The following DCC variants were observed in gnomAD, a reference collection of about 807,000 sequenced individuals.
DCC encodes the protein DCC netrin 1 receptor.
DCC carries 58 observed loss-of-function variants against 172.5 expected under a neutral mutation model. The ratio of observed to expected loss-of-function variants is 0.34; its 90% CI spans 0.27 to 0.42. The LOEUF (loss-of-function observed/expected upper bound fraction) is 0.42. Ranked by LOEUF, DCC falls within the 10% of genes least tolerant of loss-of-function variation. The probability of loss-of-function intolerance (pLI) is 1.00; values close to 1 mark genes in which losing one functional copy is unlikely to be tolerated. For missense variants in DCC, 1,740 were observed against 1,791.0 expected, an observed-to-expected ratio of 0.97 and a Z score of 0.51; for synonymous variants, 709 against 644.5, an observed-to-expected ratio of 1.10 and a Z score of -1.52.
At chr18:52,682,531 G>C (rs768849802) in intron 1 of DCC, among the ~76,000 whole-genome samples, 2 of 151,962 alleles carry the variant, frequency 1.3e-5, no homozygotes, top group Non-Finnish European at 2.9e-5. Context: ...TGGAGAGGCG[G>C]GCAGGAACTA....
At chr18:53,012,290 A>T (rs2041741898) in intron 5 of DCC, among the ~76,000 whole-genome samples, 1 of 152,150 alleles carries the variant, frequency 6.6e-6, no homozygotes, top group East Asian at 1.9e-4. Context: ...CAACCCTAGT[A>T]TACATCAACA....
At chr18:52,640,023 A>C (rs998473942) in intron 1 of DCC, among the ~76,000 whole-genome samples, 3 of 152,176 alleles carry the variant, frequency 2.0e-5, no homozygotes, top group African/African-American at 7.2e-5. Flanking sequence ...ACCATGATAA[A>C]GTGGGTTTCA....
intron 1 of DCC, among the ~76,000 whole-genome samples, chr18:52,699,322 G>A (rs11876127): frequency 0.44 from 67,152 of 151,816 alleles, 14,964 homozygotes; most frequent in Non-Finnish European, 0.47. Context: ...TCTGGCTAGG[G>A]GTGGTCTCAT....
intron 7 of DCC, among the ~76,000 whole-genome samples, chr18:53,089,521 T>G (rs2042971844): frequency 6.6e-6 from 1 of 152,112 alleles, no homozygotes; most frequent in East Asian, 1.9e-4. Flanking sequence ...ATTTTATAAC[T>G]GCTTTGGAAT....
chr18:53,436,169 C>G (rs1911927847), intron 22 of DCC, among the ~76,000 whole-genome samples: 2 of 152,066 alleles, frequency 1.3e-5, no homozygotes, highest in African/African-American at 4.8e-5. Context: ...TATACGTATC[C>G]CTAAACATTA....
In DCC at chr18:52,664,169, A is replaced by T. The variant is rs548947708; in HGVS notation, c.92-87885A>T. 3.9e-5 allele frequency among the ~76,000 whole-genome samples: 6 copies of T among 152,302 alleles called. No individual in the cohort carries two copies. The East Asian group carries it at 1.2e-3, about 29-fold the overall frequency. On this transcript the variant is annotated intron_variant, in intron 1 of 28. Coordinates refer to ENST00000442544, the MANE Select transcript of DCC (RefSeq NM_005215.4). ...TTGCTGCTAACAAAACTTCTTAAAG[A>T]AAAGAAAGAGAACTTAATCTTAGGC...
At chr18:52,358,029 C>T (rs989269140) in intron 1 of DCC, among the ~76,000 whole-genome samples, 14 of 151,988 alleles carry the variant, frequency 9.2e-5, no homozygotes, top group Non-Finnish European at 1.9e-4. Flanking sequence ...ATAGCATGTA[C>T]CCCCTGATAT....
At chr18:53,446,096 T>TAGAAAAAAA (rs1167100791) in intron 22 of DCC, among the ~76,000 whole-genome samples, 4 of 14,410 alleles carry the variant, frequency 2.8e-4, no homozygotes, top group African/African-American at 9.4e-4. Context: ...ACCCTGTCTC[T>TAGAAAAAAA]ACAAAAAAAA....
intron 11 of DCC, 98 bp downstream of exon 11, chr18:53,207,915 C>A: frequency 1.7e-6 from 2 of 1,148,650 alleles, no homozygotes; most frequent in South Asian, 1.2e-5. Context: ...ATTTTCAAGG[C>A]TTCCTGACTA....
Position 53,098,850 on chromosome 18 carries a change from GT to G in DCC, c.1261+32689del, listed in dbSNP as rs1446056778. Among the ~76,000 whole-genome samples the G allele has an allele frequency of 8.5e-5, 13 of 152,092 alleles. No individual in the cohort carries two copies. The South Asian group carries it at 2.7e-3, about 32-fold the overall frequency. On this transcript the variant is annotated intron_variant, in intron 7 of 28. Coordinates refer to ENST00000442544, the MANE Select transcript of DCC (RefSeq NM_005215.4). ...ACGGGAGACCCCATCCCTACAAAAC[GT>G]TTTTAAAAATAAGCCCAGCTGTGGT...
intron 8 of DCC, among the ~76,000 whole-genome samples, chr18:53,176,720 C>G (rs1452526830): frequency 6.6e-6 from 1 of 151,580 alleles, no homozygotes; most frequent in Non-Finnish European, 1.5e-5. Flanking sequence ...AACACTTTTA[C>G]ACTGTTGCTG....
intron 9 of DCC, among the ~76,000 whole-genome samples, chr18:53,195,356 A>AT (rs2055427980): frequency 1.3e-5 from 2 of 152,146 alleles, no homozygotes; most frequent in South Asian, 2.1e-4. Flanking sequence ...AAAATGGATG[A>AT]TTTTTTAACT....
At chr18:53,099,674 ATC>A (rs1237866156) in intron 7 of DCC, among the ~76,000 whole-genome samples, 1 of 152,144 alleles carries the variant, frequency 6.6e-6, no homozygotes, top group African/African-American at 2.4e-5. Context: ...GTAGGGATTA[ATC>A]TGTTTTTATC....
chr18:52,349,639 G>C (rs1481533761), intron 1 of DCC, among the ~76,000 whole-genome samples: 1 of 152,092 alleles, frequency 6.6e-6, no homozygotes, highest in Non-Finnish European at 1.5e-5. Flanking sequence ...AGATAGTCCT[G>C]TTCTAAATGT....
intron 13 of DCC, among the ~76,000 whole-genome samples, chr18:53,319,552 C>T (rs147513319): frequency 4.5e-4 from 69 of 152,294 alleles, no homozygotes; most frequent in African/African-American, 1.6e-3. Flanking sequence ...GCAGACTTTG[C>T]TTTGCTTAAA....
intron 1 of DCC, among the ~76,000 whole-genome samples, chr18:52,464,538 G>A (rs532098357): frequency 2.6e-5 from 4 of 152,262 alleles, no homozygotes; most frequent in East Asian, 1.9e-4. Context: ...AGGGAGCAAC[G>A]CAAAGCGGTG....
At position 52,340,859 on chromosome 18, in the gene DCC, C is replaced by A; in HGVS notation, c.72C>A (p.Ser24Arg). The part of the protein sequence containing the change: ...AFVLFGASLF[S>R]AHLQVTGFQI... ...TACTCTTCGGAGCTTCCTTGTTCAGCGCGCATCTTCAAGTAACCGGTAAGT... is the reference window on the plus strand; with the variant it reads ...TACTCTTCGGAGCTTCCTTGTTCAGAGCGCATCTTCAAGTAACCGGTAAGT... The change falls in exon 1 of 29, where the codon AGC (serine) becomes AGA (arginine). Residue 24 changes from serine (S) to arginine (R), a missense_variant. By Grantham distance (110) the Ser-to-Arg change is moderately radical. Transcript: ENST00000442544. The A allele has an allele frequency of 6.2e-7, 1 of 1,613,638 alleles. No individual in the cohort carries two copies. The highest frequency in any genetic ancestry group is 8.5e-7 in the Non-Finnish European group (1 of 1,179,596).
intron 27 of DCC, among the ~76,000 whole-genome samples, chr18:53,514,085 G>C (rs1005461286): frequency 2.0e-5 from 3 of 152,082 alleles, no homozygotes; most frequent in African/African-American, 7.2e-5. Context: ...AAATGTAAAA[G>C]AACAGAGATT....
intron 5 of DCC, among the ~76,000 whole-genome samples, chr18:53,054,437 A>G (rs1299379421): frequency 2.0e-5 from 3 of 152,130 alleles, no homozygotes; most frequent in African/African-American, 4.8e-5. Context: ...AAAGCCATCA[A>G]TAGCACATGA....
Sources: allele counts gnomAD v4.1 joint callset (sites outside exome capture counted in the v4.1 genomes callset), GRCh38; gene constraint gnomAD v4.1.1; transcripts MANE v1.5; gene names NCBI Gene and HGNC (gene_info 2026-07-23, HGNC 2026-07-21).